The following ENOX1 variants were observed in gnomAD, a reference collection of about 807,000 sequenced individuals.
The protein encoded by ENOX1 is ecto-NOX disulfide-thiol exchanger 1.
Under a neutral mutation model 82.5 loss-of-function variants are expected in ENOX1, and 42 were observed. The observed-to-expected ratio is 0.51, with a 90% CI of 0.40 to 0.66. The LOEUF (loss-of-function observed/expected upper bound fraction) is 0.66, where lower values mean the gene tolerates loss of function less well. Among genes scored for constraint, ENOX1 ranks in the 30% least tolerant of loss-of-function variants. The pLI, the probability that ENOX1 is intolerant of heterozygous loss-of-function variation, is 0.00. For synonymous variants in ENOX1, 271 were observed against 282.2 expected (o/e 0.96, Z 0.40); for missense variants, 608 against 811.6 (o/e 0.75, Z 3.05).
At chr13:43,428,671 A>G (rs899542510) in intron 3 of ENOX1, among the ~76,000 whole-genome samples, 1 of 151,956 alleles carries the variant, frequency 6.6e-6, no homozygotes, top group Non-Finnish European at 1.5e-5. Flanking sequence ...TACCAAATAC[A>G]CTCTCTCTAA....
chr13:43,741,984 G>A (rs1337319554), intron 1 of ENOX1, among the ~76,000 whole-genome samples: 2 of 152,160 alleles, frequency 1.3e-5, no homozygotes, highest in Non-Finnish European at 2.9e-5. Flanking sequence ...GGCACCATTT[G>A]TTGAAAAGAT....
chr13:43,215,368 T>C (rs2041417623), intron 16 of ENOX1, among the ~76,000 whole-genome samples: 1 of 152,210 alleles, frequency 6.6e-6, no homozygotes, highest in Admixed American at 6.5e-5. Flanking sequence ...CTGAATGCAT[T>C]TTCTGATACA....
chr13:43,588,407 T>C (rs2081089831), intron 2 of ENOX1, among the ~76,000 whole-genome samples: 1 of 152,232 alleles, frequency 6.6e-6, no homozygotes, highest in Non-Finnish European at 1.5e-5. Flanking sequence ...GTAATCGTCA[T>C]AACGCTTACA....
chr13:43,686,638 A>C (rs910532355), intron 1 of ENOX1, among the ~76,000 whole-genome samples: 3 of 152,210 alleles, frequency 2.0e-5, no homozygotes, highest in Non-Finnish European at 4.4e-5. Flanking sequence ...GACCTTACAC[A>C]CATGGTATCA....
chr13:43,338,866 T>G (rs1337150300), intron 9 of ENOX1, among the ~76,000 whole-genome samples: 1 of 151,948 alleles, frequency 6.6e-6, no homozygotes, highest in Non-Finnish European at 1.5e-5. Flanking sequence ...TTTGTATTTT[T>G]AGTAGAGACG....
chr13:43,477,168 C>CATAT (rs3044072), intron 3 of ENOX1, among the ~76,000 whole-genome samples: 1 of 147,684 alleles, frequency 6.8e-6, no homozygotes, highest in African/African-American at 2.5e-5. Context: ...TATACACATA[C>CATAT]ATATATATAT....
chr13:43,728,131 T>C (rs1328009909), intron 1 of ENOX1, among the ~76,000 whole-genome samples: 3 of 152,208 alleles, frequency 2.0e-5, no homozygotes, highest in Non-Finnish European at 4.4e-5. Context: ...CCTTCTTCTC[T>C]GGAGAGAGGT....
intron 1 of ENOX1, among the ~76,000 whole-genome samples, chr13:43,754,703 G>A (rs1244045513): frequency 1.3e-5 from 2 of 151,880 alleles, no homozygotes; most frequent in Admixed American, 6.6e-5. Context: ...TCTTGCCTCA[G>A]TCTCCTGAGT....
At chr13:43,729,302 C>A (rs2089183852) in intron 1 of ENOX1, among the ~76,000 whole-genome samples, 1 of 152,040 alleles carries the variant, frequency 6.6e-6, no homozygotes, top group African/African-American at 2.4e-5. Flanking sequence ...TATAGTAAAG[C>A]CTATTAATTT....
At chr13:43,623,741 A>G (rs905489373) in intron 2 of ENOX1, among the ~76,000 whole-genome samples, 6 of 152,138 alleles carry the variant, frequency 3.9e-5, no homozygotes, top group African/African-American at 1.4e-4. Context: ...CCTGCCTCCC[A>G]TCTGCCATGA....
At chr13:43,329,699 CT>C (rs966092807) in intron 9 of ENOX1, among the ~76,000 whole-genome samples, 4 of 152,046 alleles carry the variant, frequency 2.6e-5, no homozygotes, top group South Asian at 2.1e-4. Context: ...AACTTATACA[CT>C]TTTTTTCCCT....
intron 5 of ENOX1, among the ~76,000 whole-genome samples, chr13:43,396,565 G>A (rs1272196358): frequency 6.6e-6 from 1 of 152,032 alleles, no homozygotes; most frequent in Non-Finnish European, 1.5e-5. Flanking sequence ...ATTTTTAGTA[G>A]AGACACGGTT....
intron 3 of ENOX1, among the ~76,000 whole-genome samples, chr13:43,479,415 G>A (rs1157117069): frequency 3.3e-5 from 5 of 151,968 alleles, no homozygotes; most frequent in South Asian, 2.1e-4. Flanking sequence ...GTAACTGACC[G>A]GCCACCTTTG....
intron 2 of ENOX1, among the ~76,000 whole-genome samples, chr13:43,650,089 G>T (rs907968762): frequency 3.9e-5 from 6 of 152,190 alleles, no homozygotes; most frequent in African/African-American, 1.2e-4. Context: ...CACAAAGAAT[G>T]GGGTGAAGAG....
At chr13:43,688,254 G>A (rs926495666) in intron 1 of ENOX1, among the ~76,000 whole-genome samples, 3 of 152,104 alleles carry the variant, frequency 2.0e-5, no homozygotes, top group Non-Finnish European at 2.9e-5. Flanking sequence ...AGATTACTGT[G>A]GTGCCATATG....
At chr13:43,257,573 A>T (rs1230298466) in intron 14 of ENOX1, among the ~76,000 whole-genome samples, 1 of 152,262 alleles carries the variant, frequency 6.6e-6, no homozygotes, top group Non-Finnish European at 1.5e-5. Flanking sequence ...GATAATGGAA[A>T]TACAAAGAAG....
intron 14 of ENOX1, among the ~76,000 whole-genome samples, chr13:43,242,617 C>A (rs1481923438): frequency 6.6e-6 from 1 of 152,168 alleles, no homozygotes; most frequent in Non-Finnish European, 1.5e-5. Flanking sequence ...CCTCCAGCAG[C>A]CAGGTGACCT....
At chr13:43,655,781 G>C (rs570688147) in intron 2 of ENOX1, among the ~76,000 whole-genome samples, 5 of 152,092 alleles carry the variant, frequency 3.3e-5, no homozygotes, top group Non-Finnish European at 7.3e-5. Flanking sequence ...CAGATAGCAG[G>C]ACAAACTCTT....
chr13:43,364,309 T>C (rs1458008832), intron 5 of ENOX1, among the ~76,000 whole-genome samples: 2 of 152,228 alleles, frequency 1.3e-5, no homozygotes, highest in African/African-American at 2.4e-5. Context: ...TAATGAGTTG[T>C]AATTCTACTC....
Sources: allele counts gnomAD v4.1 joint callset (sites outside exome capture counted in the v4.1 genomes callset), GRCh38; gene constraint gnomAD v4.1.1; transcripts MANE v1.5; gene names NCBI Gene and HGNC (gene_info 2026-07-23, HGNC 2026-07-21).